CD96: variants seen among roughly 807,000 people sequenced by gnomAD.
CD96 encodes T-cell surface protein tactile.
CD96 carries 70 observed loss-of-function variants against 71.3 expected under a neutral mutation model. That is an observed-to-expected ratio of 0.98 (90% CI 0.81 to 1.20). The LOEUF is 1.20. Ranked by LOEUF, CD96 falls within the 50% of genes most tolerant of loss-of-function variation. The pLI is 0.00. For missense variants in CD96, 742 were observed against 677.5 expected (o/e 1.10, Z -1.06); for synonymous variants, 248 against 233.0 (o/e 1.06, Z -0.59).
At chr3:111,553,090 A>G (rs1027534960) in intron 2 of CD96, among the ~76,000 whole-genome samples, 1 of 151,890 alleles carries the variant, frequency 6.6e-6, no homozygotes, top group African/African-American at 2.4e-5. Context: ...CATTAAAAAA[A>G]AGCCATAATC....
At chr3:111,655,599 T>G (rs936396097), downstream of CD96, among the ~76,000 whole-genome samples, 9 of 152,134 alleles carry the variant, frequency 5.9e-5, no homozygotes, top group African/African-American at 2.2e-4. Flanking sequence ...GTGATGGGAC[T>G]TGAAAACATT....
chr3:111,659,165 T>A (rs1006611599), intron 14 of CD96, among the ~76,000 whole-genome samples: 2 of 152,232 alleles, frequency 1.3e-5, no homozygotes, highest in African/African-American at 4.8e-5. Flanking sequence ...TTCTAACTTC[T>A]GTGCATATAG....
intron 3 of CD96, among the ~76,000 whole-genome samples, chr3:111,573,838 C>T (rs1016363834): frequency 1.0e-4 from 15 of 147,534 alleles, no homozygotes; most frequent in African/African-American, 3.4e-4. Flanking sequence ...GGATGCCTCA[C>T]TATTCAGAAA....
chr3:111,661,558 G>A (rs1004965604), intron 14 of CD96, among the ~76,000 whole-genome samples: 1 of 152,214 alleles, frequency 6.6e-6, no homozygotes, highest in Non-Finnish European at 1.5e-5. Flanking sequence ...CAGATGTTGG[G>A]TAAATGCTCC....
chr3:111,582,673 T>C (rs371347838), intron 4 of CD96, among the ~76,000 whole-genome samples: 27 of 152,192 alleles, frequency 1.8e-4, no homozygotes, highest in African/African-American at 6.3e-4. Context: ...CTCAGAATCA[T>C]GGCAGGAGGT....
At chr3:111,585,293 G>C (rs199584831) in intron 4 of CD96, 30 bp from the exon 5 acceptor site, 35 of 1,502,250 alleles carry the variant, frequency 2.3e-5, no homozygotes, top group Non-Finnish European at 3.1e-5. Flanking sequence ...GACATTTGGT[G>C]CCACTAACTA....
chr3:111,568,601 C>T (rs1490762988), intron 3 of CD96, among the ~76,000 whole-genome samples: 3 of 152,166 alleles, frequency 2.0e-5, no homozygotes, highest in African/African-American at 7.2e-5. Flanking sequence ...CTTAACAAAA[C>T]TGCATCAGTT....
chr3:111,628,876 A>C (rs1428353862), intron 10 of CD96, among the ~76,000 whole-genome samples: 4 of 152,252 alleles, frequency 2.6e-5, no homozygotes, highest in Non-Finnish European at 5.9e-5. Context: ...TACATAAAAA[A>C]GAATTTTCAA....
At chr3:111,567,720 A>C in intron 3 of CD96, 73 bp downstream of exon 3, 1 of 1,298,546 alleles carries the variant, frequency 7.7e-7, no homozygotes, top group Non-Finnish European at 1.1e-6. Flanking sequence ...AATAAGCAGT[A>C]ATAATAGGGA....
chr3:111,556,229 G>C (rs545264006), intron 2 of CD96, among the ~76,000 whole-genome samples: 1 of 19,668 alleles, frequency 5.1e-5, no homozygotes, highest in East Asian at 1.1e-3. Context: ...TATACTTTAA[G>C]TTTTAGGGTA....
At chr3:111,558,827 C>T (rs1935220122) in intron 2 of CD96, among the ~76,000 whole-genome samples, 1 of 148,430 alleles carries the variant, frequency 6.7e-6, no homozygotes, top group Non-Finnish European at 1.5e-5. Context: ...GCTGTGAATC[C>T]ATCTGGTCCT....
chr3:111,618,119 C>T (rs1418796978), intron 8 of CD96, among the ~76,000 whole-genome samples: 1 of 152,240 alleles, frequency 6.6e-6, no homozygotes, highest in Non-Finnish European at 1.5e-5. Context: ...GGCCAGACCC[C>T]ACGCTCACTC....
At chr3:111,627,601 A>G (rs536056767) in intron 10 of CD96, among the ~76,000 whole-genome samples, 16 of 152,346 alleles carry the variant, frequency 1.1e-4, no homozygotes, top group African/African-American at 3.8e-4. Flanking sequence ...GCCCAAATCA[A>G]TTGGGTGCTG....
intron 3 of CD96, among the ~76,000 whole-genome samples, chr3:111,569,826 T>G (rs1030830585): frequency 6.6e-6 from 1 of 152,240 alleles, no homozygotes; most frequent in Non-Finnish European, 1.5e-5. Context: ...GGAAATGTAG[T>G]TTACAAAACA....
chr3:111,613,186 G>A (rs1938044443), intron 8 of CD96, among the ~76,000 whole-genome samples: 1 of 152,068 alleles, frequency 6.6e-6, no homozygotes, highest in African/African-American at 2.4e-5. Context: ...CTCCCCTTGG[G>A]GTGAGATTCC....
rs554948474 is a variant in CD96 at position 111,658,811 on chromosome 3, T to C, written c.*53-6716T>C. 3.9e-5 allele frequency among the ~76,000 whole-genome samples: 6 copies of C among 152,336 alleles called. No homozygotes were observed. The South Asian group carries it at 1.0e-3, about 26-fold the overall frequency. On this transcript the variant is annotated intron_variant and NMD_transcript_variant, in intron 14 of 14. Transcript: ENST00000494798. Reference sequence around the variant, plus strand: ...AAATACAAAATAAGATATATTCTATTGTGTCTGTGTTCATCAGGGATATTG... The same window carrying C: ...AAATACAAAATAAGATATATTCTATCGTGTCTGTGTTCATCAGGGATATTG...
rs6763154 is a variant in CD96, at chr3:111,651,359, C to T, written c.*1553C>T. ...CAGGATTAAGGGGAGGCAATCAATG[C>T]ACCTAGGGAAAAAATTTAAGGAGGT... On this transcript the variant is annotated 3_prime_UTR_variant, in exon 14 of 14. Transcript: ENST00000352690. 143,517 of 152,298 alleles carry T rather than the reference C, an allele frequency of 0.94. 67,787 individuals are homozygous for T. The highest frequency in any genetic ancestry group is 0.97 in the Non-Finnish European group (66,051 of 68,088). 9.4% of individuals were successfully genotyped at this position (152,298 alleles called of 1,614,324 possible).
intron 2 of CD96, among the ~76,000 whole-genome samples, chr3:111,565,993 A>T (rs1201535864): frequency 6.7e-6 from 1 of 149,976 alleles, no homozygotes; most frequent in Non-Finnish European, 1.5e-5. Context: ...TGCCATTAAA[A>T]TGTATACTGT....
chr3:111,577,040 G>T (rs2107577695), intron 3 of CD96, among the ~76,000 whole-genome samples: 1 of 152,268 alleles, frequency 6.6e-6, no homozygotes, highest in East Asian at 1.9e-4. Context: ...TTCTGCAAAA[G>T]TCAACTGCCC....
Sources: allele counts gnomAD v4.1 joint callset (sites outside exome capture counted in the v4.1 genomes callset), GRCh38; gene constraint gnomAD v4.1.1; transcripts MANE v1.5; gene names NCBI Gene and HGNC (gene_info 2026-07-23, HGNC 2026-07-21).